Variants in C10orf90 observed in about 807,000 individuals in gnomAD.
The protein encoded by C10orf90 is (E2-independent) E3 ubiquitin-conjugating enzyme FATS.
A neutral mutation model predicts 62.5 loss-of-function variants in C10orf90; 56 were observed. The observed-to-expected ratio is 0.90, with a 90% CI of 0.72 to 1.12. The LOEUF (loss-of-function observed/expected upper bound fraction) is 1.12. Among genes scored for constraint, C10orf90 ranks in the 50% most tolerant of loss-of-function variants. The pLI, the probability that C10orf90 is intolerant of heterozygous loss-of-function variation, is 0.00. For missense variants in C10orf90, 970 were observed against 880.4 expected, an observed-to-expected ratio of 1.10 and a Z score of -1.29; for synonymous variants, 386 against 340.4, an observed-to-expected ratio of 1.13 and a Z score of -1.47.
At chr10:126,565,217 T>TTTATTATATTATATA (rs1564874218) in intron 2 of C10orf90, among the ~76,000 whole-genome samples, 3 of 17,374 alleles carry the variant, frequency 1.7e-4, no homozygotes, top group African/African-American at 2.7e-4. Context: ...GTAATATAAT[T>TTTATTATATTATATA]TTTATATTAC....
intron 4 of C10orf90, among the ~76,000 whole-genome samples, chr10:126,503,168 GAGAA>G (rs1421533494): frequency 6.6e-6 from 1 of 152,184 alleles, no homozygotes; most frequent in Non-Finnish European, 1.5e-5. Flanking sequence ...AGTTTACACA[GAGAA>G]AGAAAGAAAT....
chr10:126,670,545 A>G lies in C10orf90; in HGVS notation c.-65T>C, dbSNP rs775681835. The stretch of plus-strand genomic sequence containing the variant: ...AAACACAATTTTCTTTGTTTAACCC[A>G]GGTATTGAGTGCAACAGGAGGGACT... On this transcript the variant is annotated 5_prime_UTR_variant, in exon 1 of 10. Transcript: ENST00000488181. The G allele has an allele frequency of 2.5e-4, 112 of 441,292 alleles. No homozygotes were observed. Among genetic ancestry groups the G allele is most frequent in the Middle Eastern group, 1.7e-3 (5 of 3,006 alleles). The allele number at this position is 441,292 out of a possible 1,614,324, so 27.3% of individuals were successfully genotyped here. A position where few individuals can be genotyped will look rare whatever the true frequency, so the allele number is the denominator to read the frequency against.
chr10:126,428,126 A>G (rs1259552787), intron 8 of C10orf90, among the ~76,000 whole-genome samples: 1 of 152,218 alleles, frequency 6.6e-6, no homozygotes, highest in Non-Finnish European at 1.5e-5. Flanking sequence ...CATAAAGTGA[A>G]AAGCAAGCTA....
At chr10:126,553,659 G>A (rs944256751) in intron 2 of C10orf90, among the ~76,000 whole-genome samples, 9 of 152,152 alleles carry the variant, frequency 5.9e-5, no homozygotes, top group African/African-American at 2.2e-4. Context: ...GTACAGGTTT[G>A]TAACCTAGGG....
intron 2 of C10orf90, among the ~76,000 whole-genome samples, chr10:126,556,734 C>T (rs1342319155): frequency 6.6e-6 from 1 of 152,012 alleles, no homozygotes; most frequent in Non-Finnish European, 1.5e-5. Flanking sequence ...TAATCCATAG[C>T]AGCCACCCAG....
rs558159229 is a variant in C10orf90 at position 126,576,632 on chromosome 10, C to T, written c.314-62693G>A. Among the ~76,000 whole-genome samples, 10 of 141,564 alleles carry T rather than the reference C, an allele frequency of 7.1e-5. No homozygotes were observed. In the Admixed American group the frequency reaches 7.3e-4, roughly 10 times the overall value. The allele number at this position is 141,564 out of a possible 152,430, so 92.9% of individuals were successfully genotyped here. ...GACATCTGCACCCGCATGTTTGCTG[C>T]AGCACTATTCACCACAGCCAAGATA... On this transcript the variant is annotated intron_variant, in intron 2 of 9. Coordinates refer to ENST00000488181, the MANE Select transcript of C10orf90 (RefSeq NM_001350921.2).
At chr10:126,518,252 G>A (rs557572746) in intron 2 of C10orf90, among the ~76,000 whole-genome samples, 2 of 152,262 alleles carry the variant, frequency 1.3e-5, no homozygotes, top group South Asian at 4.1e-4. Context: ...TCACATTCTT[G>A]TGTCTCACAT....
chr10:126,625,108 C>T (rs1845717266), intron 2 of C10orf90, among the ~76,000 whole-genome samples: 1 of 152,168 alleles, frequency 6.6e-6, no homozygotes, highest in Non-Finnish European at 1.5e-5. Context: ...CCAGCATCTC[C>T]CCCACAGTCT....
At chr10:126,489,239 A>T (rs1861592796) in intron 4 of C10orf90, among the ~76,000 whole-genome samples, 2 of 152,124 alleles carry the variant, frequency 1.3e-5, no homozygotes, top group African/African-American at 4.8e-5. Flanking sequence ...AATCAATGTA[A>T]TTCCCCATAT....
intron 2 of C10orf90, among the ~76,000 whole-genome samples, chr10:126,566,119 G>A (rs1844382464): frequency 1.3e-5 from 2 of 152,280 alleles, no homozygotes; most frequent in South Asian, 4.1e-4. Context: ...AGAAAGCCTG[G>A]CATTTATGCA....
At chr10:126,521,379 A>T in intron 2 of C10orf90, 1 of 1,612,648 alleles carries the variant, frequency 6.2e-7, no homozygotes, top group Admixed American at 1.7e-5. Context: ...AATGACAAGG[A>T]TGTATTTGGC....
chr10:126,645,023 A>C (rs1846138412), intron 2 of C10orf90, among the ~76,000 whole-genome samples: 1 of 151,756 alleles, frequency 6.6e-6, no homozygotes, highest in Non-Finnish European at 1.5e-5. Flanking sequence ...AAAAAACCAA[A>C]CACCGCATAT....
intron 4 of C10orf90, chr10:126,502,655 G>T (rs535791077): frequency 5.7e-6 from 2 of 351,966 alleles, no homozygotes; most frequent in Non-Finnish European, 5.7e-6. Flanking sequence ...CATGACACAT[G>T]GTTTAAAAAT....
Position 126,609,571 on chromosome 10 carries a change from C to T in C10orf90, c.313+36994G>A, listed in dbSNP as rs187634238. Reference sequence around the variant, plus strand: ...GAAACAAAGCAAAACAGACAAATTGCGGTGCTCAGGTTCTGCCAAGGGCAG... The same window carrying T: ...GAAACAAAGCAAAACAGACAAATTGTGGTGCTCAGGTTCTGCCAAGGGCAG... On this transcript the variant is annotated intron_variant, in intron 2 of 9. Coordinates refer to ENST00000488181, the MANE Select transcript of C10orf90 (RefSeq NM_001350921.2). Among the ~76,000 whole-genome samples the T allele has an allele frequency of 2.5e-3, 379 of 152,292 alleles. 1 individual carries two copies. The highest frequency in any genetic ancestry group is 8.4e-3 in the African/African-American group (351 of 41,560).
At chr10:126,470,723 C>A (rs1475409051) in intron 4 of C10orf90, among the ~76,000 whole-genome samples, 2 of 149,538 alleles carry the variant, frequency 1.3e-5, no homozygotes, top group Non-Finnish European at 3.0e-5. Context: ...TCACTCCAGC[C>A]TGGGTGACAG....
intron 2 of C10orf90, among the ~76,000 whole-genome samples, chr10:126,529,213 A>G (rs895008584): frequency 6.6e-6 from 1 of 152,216 alleles, no homozygotes; most frequent in Non-Finnish European, 1.5e-5. Flanking sequence ...ATACCTACAA[A>G]TCAACTCCAG....
intron 2 of C10orf90, among the ~76,000 whole-genome samples, chr10:126,559,399 T>C (rs934714953): frequency 6.6e-6 from 1 of 152,194 alleles, no homozygotes; most frequent in Non-Finnish European, 1.5e-5. Flanking sequence ...ATCCCTTCTA[T>C]CAATAACATT....
At chr10:126,570,672 T>G (rs895580817) in intron 2 of C10orf90, among the ~76,000 whole-genome samples, 4 of 152,168 alleles carry the variant, frequency 2.6e-5, no homozygotes, top group Non-Finnish European at 4.4e-5. Flanking sequence ...ACTGAAGGTA[T>G]TTTGCTGAAA....
At chr10:126,594,108 C>CTTTTTT (rs5788794) in intron 2 of C10orf90, among the ~76,000 whole-genome samples, 2 of 132,066 alleles carry the variant, frequency 1.5e-5, no homozygotes, top group Non-Finnish European at 1.6e-5. Context: ...ACCAGGCTTG[C>CTTTTTT]TTTTTTTTTT....
Sources: gnomAD v4.1 joint callset for allele counts (sites outside exome capture counted in the v4.1 genomes callset) on GRCh38, gnomAD v4.1.1 for gene constraint, MANE v1.5 for transcripts, NCBI Gene and HGNC (gene_info 2026-07-23, HGNC 2026-07-21) for gene names.